The following ALDH1A1 variants were observed in gnomAD, a reference collection of about 807,000 sequenced individuals.
The protein encoded by ALDH1A1 is aldehyde dehydrogenase 1 family member A1.
A neutral mutation model predicts 62.1 loss-of-function variants in ALDH1A1; 19 were observed. That is an observed-to-expected ratio of 0.31 (90% confidence interval 0.21 to 0.45). The LOEUF is 0.45. Among genes scored for constraint, ALDH1A1 ranks in the 20% least tolerant of loss-of-function variants. The probability of loss-of-function intolerance (pLI) is 1.00; values close to 1 mark genes in which losing one functional copy is unlikely to be tolerated. For synonymous variants in ALDH1A1, 231 were observed against 215.9 expected (o/e 1.07, Z -0.61); for missense variants, 521 against 607.1 (o/e 0.86, Z 1.49).
intron 7 of ALDH1A1, among the ~76,000 whole-genome samples, chr9:72,921,269 C>T (rs1830139432): frequency 6.6e-6 from 1 of 150,820 alleles, no homozygotes; most frequent in Admixed American, 6.6e-5. Flanking sequence ...AAATTCTTAC[C>T]TTGCCTAAAG....
At chr9:72,906,053 A>G in intron 11 of ALDH1A1, 21 bp from the exon 12 acceptor site, 3 of 1,586,228 alleles carry the variant, frequency 1.9e-6, no homozygotes, top group Non-Finnish European at 1.7e-6. Flanking sequence ...AGAAAAGTGC[A>G]TTATAGACAA....
In ALDH1A1 at chr9:72,900,834, G is replaced by A. The variant is rs1829793464; in HGVS notation, c.*374C>T. 1 of 166,084 alleles carries A rather than the reference G, an allele frequency of 6.0e-6. No individual in the cohort carries two copies. 10.3% of individuals were successfully genotyped at this position (166,084 alleles called of 1,614,324 possible). ...GAGCAATTTACTCTGCAGTTAACGT[G>A]TATGTTAAGTACTTCAAGAGTCACT... On this transcript the variant is annotated 3_prime_UTR_variant, in exon 13 of 13. Transcript: ENST00000297785.
chr9:72,950,984 C>T (rs1830537628), intron 1 of ALDH1A1, among the ~76,000 whole-genome samples: 1 of 151,824 alleles, frequency 6.6e-6, no homozygotes, highest in Non-Finnish European at 1.5e-5. Flanking sequence ...ACATACATAA[C>T]TGGCGTCCTC....
intron 1 of ALDH1A1, among the ~76,000 whole-genome samples, chr9:72,947,457 A>C (rs1384153193): frequency 2.0e-5 from 3 of 152,034 alleles, no homozygotes; most frequent in Non-Finnish European, 4.4e-5. Flanking sequence ...TGTTAAGAAC[A>C]CAGAATCTCA....
chr9:72,904,247 A>G (rs1020570166), intron 12 of ALDH1A1, among the ~76,000 whole-genome samples: 1 of 152,062 alleles, frequency 6.6e-6, no homozygotes, highest in African/African-American at 2.4e-5. Flanking sequence ...TGCATTTTTG[A>G]TGGGCTAACT....
intron 5 of ALDH1A1, among the ~76,000 whole-genome samples, chr9:72,926,700 T>A (rs1830215336): frequency 6.6e-6 from 1 of 152,246 alleles, no homozygotes; most frequent in South Asian, 2.1e-4. Flanking sequence ...CATGATGAGA[T>A]GTCTCAATGA....
intron 1 of ALDH1A1, among the ~76,000 whole-genome samples, chr9:72,951,010 C>T (rs8187872): frequency 0.016 from 2,489 of 151,974 alleles, 90 homozygotes; most frequent in African/African-American, 0.057. Context: ...TGTGAAAACG[C>T]TGTAACCAAT....
At chr9:72,909,448 G>A (rs1344498057) in intron 11 of ALDH1A1, among the ~76,000 whole-genome samples, 154 bp downstream of exon 11, 2 of 152,022 alleles carry the variant, frequency 1.3e-5, no homozygotes, top group African/African-American at 4.8e-5. Flanking sequence ...ATGAGCCACC[G>A]CACCCAGCCT....
chr9:72,925,174 T>C (rs1034956014), intron 6 of ALDH1A1, among the ~76,000 whole-genome samples: 2 of 152,196 alleles, frequency 1.3e-5, no homozygotes, highest in Admixed American at 6.5e-5. Context: ...GTTTCAACAT[T>C]TGAAAGAATG....
At chr9:72,907,038 T>G (rs984775071) in intron 11 of ALDH1A1, among the ~76,000 whole-genome samples, 1 of 152,136 alleles carries the variant, frequency 6.6e-6, no homozygotes, top group Admixed American at 6.6e-5. Context: ...CCAGATAAAT[T>G]GTATTATACT....
At position 72,927,103 on chromosome 9, in the gene ALDH1A1, G is replaced by A. The variant is rs1032433091; in HGVS notation, c.504+13C>T. On this transcript the variant is annotated intron_variant, in intron 5 of 12. Coordinates refer to ENST00000297785, the MANE Select transcript of ALDH1A1 (RefSeq NM_000689.5). Reference sequence around the variant, plus strand: ...CTTTTTAAAATTGAGAATTATATAGGAGAAAAGCTTACAGGAATGATTTGG... The same window carrying A: ...CTTTTTAAAATTGAGAATTATATAGAAGAAAAGCTTACAGGAATGATTTGG... The A allele has an allele frequency of 2.5e-6, 4 of 1,584,960 alleles. No homozygotes were observed. The highest frequency in any genetic ancestry group is 3.4e-6 in the Non-Finnish European group (4 of 1,161,946).
chr9:72,948,070 C>A (rs1588146605), intron 1 of ALDH1A1, among the ~76,000 whole-genome samples: 1 of 152,014 alleles, frequency 6.6e-6, no homozygotes, highest in Non-Finnish European at 1.5e-5. Flanking sequence ...CCAAGGTAGT[C>A]ATTCTCATTC....
intron 9 of ALDH1A1, 48 bp downstream of exon 9, chr9:72,916,872 C>A (rs748551535): frequency 6.8e-7 from 1 of 1,471,668 alleles, no homozygotes; most frequent in South Asian, 1.4e-5. Flanking sequence ...AAAGAGGATA[C>A]TTTATTCCTG....
chr9:72,952,225 G>A lies in ALDH1A1; in HGVS notation c.66+710C>T, dbSNP rs4646540. Among the ~76,000 whole-genome samples, 231 of 152,040 alleles carry A rather than the reference G, an allele frequency of 1.5e-3. 3 individuals carry two copies. The East Asian group carries it at 0.043, about 28-fold the overall frequency. Reference sequence around the variant, plus strand: ...AGGAAAGCAGTGTGAAACAGGCAAAGTTCAGAGTTACTCTCAGAACGACTC... The same window carrying A: ...AGGAAAGCAGTGTGAAACAGGCAAAATTCAGAGTTACTCTCAGAACGACTC... On this transcript the variant is annotated intron_variant, in intron 1 of 12. Transcript: ENST00000297785.
At chr9:72,943,977 A>C (rs896976965) in intron 1 of ALDH1A1, among the ~76,000 whole-genome samples, 1 of 152,044 alleles carries the variant, frequency 6.6e-6, no homozygotes, top group Non-Finnish European at 1.5e-5. Context: ...GGGAGGGACA[A>C]ATCTTTGGAG....
At chr9:72,914,234 T>A (rs1830030454) in intron 9 of ALDH1A1, among the ~76,000 whole-genome samples, 2 of 152,184 alleles carry the variant, frequency 1.3e-5, no homozygotes, top group African/African-American at 4.8e-5. Flanking sequence ...TGTTCTCAAA[T>A]TATTCAGAAA....
At chr9:72,940,972 T>C (rs1009437022) in intron 1 of ALDH1A1, among the ~76,000 whole-genome samples, 2 of 152,166 alleles carry the variant, frequency 1.3e-5, no homozygotes, top group Non-Finnish European at 2.9e-5. Context: ...AGTATGTCAT[T>C]TAAAACATCT....
chr9:72,932,067 G>A (rs976411501), intron 2 of ALDH1A1, among the ~76,000 whole-genome samples: 2 of 152,180 alleles, frequency 1.3e-5, no homozygotes, highest in Admixed American at 1.3e-4. Flanking sequence ...CCTCTTCTGA[G>A]CTCTTACAGA....
chr9:72,926,016 A>C (rs1830200724), intron 5 of ALDH1A1, among the ~76,000 whole-genome samples: 1 of 152,214 alleles, frequency 6.6e-6, no homozygotes, highest in Non-Finnish European at 1.5e-5. Context: ...AGTAGCTTTT[A>C]TTTCCAGGAA....
Sources: gnomAD v4.1 joint callset for allele counts (sites outside exome capture counted in the v4.1 genomes callset) on GRCh38, gnomAD v4.1.1 for gene constraint, MANE v1.5 for transcripts, NCBI Gene and HGNC (gene_info 2026-07-23, HGNC 2026-07-21) for gene names.